CENPP: variants seen among roughly 807,000 people sequenced by gnomAD.
CENPP encodes the protein centromere protein P.
In CENPP, 24 loss-of-function variants were observed where a neutral mutation model predicts 35.6. The ratio of observed to expected loss-of-function variants is 0.67; its 90% CI spans 0.49 to 0.95. CENPP has a LOEUF of 0.95. Among genes scored for constraint, CENPP ranks in the 40% least tolerant of loss-of-function variants. The pLI is 0.00. For missense variants in CENPP, 332 were observed against 345.3 expected, an observed-to-expected ratio of 0.96 and a Z score of 0.31; for synonymous variants, 120 against 125.5, an observed-to-expected ratio of 0.96 and a Z score of 0.29.
intron 4 of CENPP, among the ~76,000 whole-genome samples, chr9:92,347,463 A>G (rs1241311168): frequency 6.6e-6 from 1 of 152,230 alleles, no homozygotes; most frequent in Non-Finnish European, 1.5e-5. Context: ...AGGGTGCTGA[A>G]CATAGGTCAG....
chr9:92,393,807 C>A (rs550098099), intron 5 of CENPP, among the ~76,000 whole-genome samples: 1 of 148,018 alleles, frequency 6.8e-6, no homozygotes, highest in East Asian at 2.0e-4. Flanking sequence ...GTTTAGTTTT[C>A]TTTTTCAGGG....
At chr9:92,517,983 G>A in intron 5 of CENPP, 1 of 1,283,734 alleles carries the variant, frequency 7.8e-7, no homozygotes, top group Non-Finnish European at 1.1e-6. Context: ...CACAAGAATA[G>A]AATTCTATGT....
chr9:92,522,482 A>C, intron 5 of CENPP: 1 of 1,221,028 alleles, frequency 8.2e-7, no homozygotes, highest in Non-Finnish European at 1.1e-6. Flanking sequence ...CTTCATGGAG[A>C]TGTTCTCCCT....
rs372663970 is a variant in CENPP, at chr9:92,595,563, G to C, written c.565-15751G>C. 2.7e-5 allele frequency among the ~76,000 whole-genome samples: 4 copies of C among 150,724 alleles called. No homozygotes were observed. In the East Asian group the frequency reaches 5.9e-4, roughly 22 times the overall value. On this transcript the variant is annotated intron_variant, in intron 5 of 7. Transcript: ENST00000375587. ...GCTCAGTTTTTTGTTTTTTGTTTTT[G>C]TTTTGTTTTTTGTTTTTTTTTTCAT...
At chr9:92,543,261 CA>C (rs1465678926) in intron 5 of CENPP, among the ~76,000 whole-genome samples, 1 of 152,052 alleles carries the variant, frequency 6.6e-6, no homozygotes, top group East Asian at 1.9e-4. Flanking sequence ...AACTTGAGGT[CA>C]GGAGTTCAAG....
chr9:92,525,047 C>T (rs1223067161), intron 5 of CENPP, among the ~76,000 whole-genome samples: 1 of 152,190 alleles, frequency 6.6e-6, no homozygotes, highest in East Asian at 1.9e-4. Context: ...CACTGTGGCT[C>T]ATGCCTGTAA....
intron 3 of CENPP, among the ~76,000 whole-genome samples, chr9:92,342,062 C>G (rs10992309): frequency 0.057 from 8,698 of 152,328 alleles, 365 homozygotes; most frequent in Middle Eastern, 0.22. Context: ...TAATCAGGTT[C>G]TACCATCAGC....
At chr9:92,399,758 AT>A (rs1390393050) in intron 5 of CENPP, among the ~76,000 whole-genome samples, 1 of 152,024 alleles carries the variant, frequency 6.6e-6, no homozygotes, top group Non-Finnish European at 1.5e-5. Flanking sequence ...TAAAAAGACC[AT>A]TTTTGCTTCA....
At position 92,615,745 on chromosome 9, in the gene CENPP, C is replaced by T; in HGVS notation, c.*2596C>T. On this transcript the variant is annotated 3_prime_UTR_variant, in exon 8 of 8. Coordinates refer to ENST00000375587, the MANE Select transcript of CENPP (RefSeq NM_001012267.3). Reference sequence around the variant, plus strand: ...GGGTTAAAAGCAAAAACATTCACAACCAAAGGTCACCCAACACAACAGAAA... The same window carrying T: ...GGGTTAAAAGCAAAAACATTCACAATCAAAGGTCACCCAACACAACAGAAA... 1 of 1,145,890 alleles carries T rather than the reference C, an allele frequency of 8.7e-7. No individual in the cohort carries two copies. 71.0% of individuals were successfully genotyped at this position (1,145,890 alleles called of 1,614,324 possible). A position where few individuals can be genotyped will look rare whatever the true frequency, so the allele number is the denominator to read the frequency against.
intron 5 of CENPP, among the ~76,000 whole-genome samples, chr9:92,408,635 C>A (rs1588109190): frequency 6.6e-6 from 1 of 152,084 alleles, no homozygotes; most frequent in South Asian, 2.1e-4. Context: ...CATTTTGGAC[C>A]TGATAATTCT....
At chr9:92,331,577 C>T (rs1055492612) in intron 1 of CENPP, among the ~76,000 whole-genome samples, 3 of 152,150 alleles carry the variant, frequency 2.0e-5, no homozygotes, top group African/African-American at 7.2e-5. Context: ...TGTAATTTTG[C>T]AAAGTAGTCC....
At chr9:92,388,288 A>C (rs1199155323) in intron 5 of CENPP, among the ~76,000 whole-genome samples, 1 of 151,234 alleles carries the variant, frequency 6.6e-6, no homozygotes, top group Non-Finnish European at 1.5e-5. Context: ...CAGCCTCCTG[A>C]GTAGCTGGGA....
intron 5 of CENPP, among the ~76,000 whole-genome samples, chr9:92,423,106 T>C (rs1843862689): frequency 6.6e-6 from 1 of 152,228 alleles, no homozygotes; most frequent in Admixed American, 6.5e-5. Context: ...TATTTCACTA[T>C]GATAATTTCT....
intron 1 of CENPP, among the ~76,000 whole-genome samples, chr9:92,328,336 G>A (rs1840634364): frequency 6.6e-6 from 1 of 152,100 alleles, no homozygotes; most frequent in Non-Finnish European, 1.5e-5. Flanking sequence ...TAAGTGGTTG[G>A]ATGGATTGGA....
At chr9:92,441,193 TAATC>T (rs1280953591) in intron 5 of CENPP, among the ~76,000 whole-genome samples, 2 of 152,220 alleles carry the variant, frequency 1.3e-5, no homozygotes, top group African/African-American at 2.4e-5. Context: ...GTGTTAAAAT[TAATC>T]AAGCTACATA....
At chr9:92,431,852 C>T (rs1411606754) in intron 5 of CENPP, among the ~76,000 whole-genome samples, 3 of 152,174 alleles carry the variant, frequency 2.0e-5, no homozygotes, top group Non-Finnish European at 2.9e-5. Context: ...GGATTGCAGG[C>T]GTTAGCCACC....
At chr9:92,449,213 C>T (rs11795112) in intron 5 of CENPP, among the ~76,000 whole-genome samples, 6 of 152,022 alleles carry the variant, frequency 3.9e-5, no homozygotes, top group Admixed American at 1.3e-4. Context: ...GAGGCCAAGG[C>T]GGGCGGACAC....
intron 5 of CENPP, among the ~76,000 whole-genome samples, chr9:92,428,857 C>A (rs752871653): frequency 6.6e-6 from 1 of 152,128 alleles, no homozygotes; most frequent in African/African-American, 2.4e-5. Flanking sequence ...CTGCTGGTTT[C>A]TGCGCTGTAC....
intron 5 of CENPP, among the ~76,000 whole-genome samples, chr9:92,478,449 G>T (rs1845790478): frequency 6.6e-6 from 1 of 151,918 alleles, no homozygotes; most frequent in Admixed American, 6.6e-5. Context: ...TTTTTTTGGG[G>T]TTTTTTGTTT....
Sources: allele counts gnomAD v4.1 joint callset (sites outside exome capture counted in the v4.1 genomes callset), GRCh38; gene constraint gnomAD v4.1.1; transcripts MANE v1.5; gene names NCBI Gene and HGNC (gene_info 2026-07-23, HGNC 2026-07-21).